MCTP1: variants seen among roughly 807,000 people sequenced by gnomAD.
MCTP1 encodes multiple C2 and transmembrane domain containing 1.
In MCTP1, 69 loss-of-function variants were observed where a neutral mutation model predicts 120.6. The ratio of observed to expected loss-of-function variants is 0.57; its 90% CI spans 0.47 to 0.70. The LOEUF (loss-of-function observed/expected upper bound fraction) is 0.70. Ranked by LOEUF, MCTP1 falls within the 30% of genes least tolerant of loss-of-function variation. The pLI is 0.00. For missense variants in MCTP1, 1,203 were observed against 1,248.8 expected (o/e 0.96, Z 0.55); for synonymous variants, 529 against 493.1 (o/e 1.07, Z -0.96).
At chr5:94,844,497 A>G (rs1314929204) in intron 17 of MCTP1, among the ~76,000 whole-genome samples, 2 of 152,038 alleles carry the variant, frequency 1.3e-5, no homozygotes, top group African/African-American at 2.4e-5. Context: ...TTATTAATTT[A>G]CTTCTACAGC....
At chr5:95,084,361 C>T (rs1157192783) in intron 1 of MCTP1, among the ~76,000 whole-genome samples, 1 of 151,718 alleles carries the variant, frequency 6.6e-6, no homozygotes, top group Admixed American at 6.6e-5. Context: ...CTTTTCTGTC[C>T]CACTCTCCAT....
intron 2 of MCTP1, among the ~76,000 whole-genome samples, chr5:94,968,429 G>A (rs539660816): frequency 2.5e-4 from 38 of 152,142 alleles, no homozygotes; most frequent in African/African-American, 8.7e-4. Flanking sequence ...CTCTCTTTGG[G>A]AAATGTTACT....
chr5:94,868,954 TTATCTATC>T (rs770558504), intron 16 of MCTP1, among the ~76,000 whole-genome samples: 1 of 151,848 alleles, frequency 6.6e-6, no homozygotes, highest in African/African-American at 2.4e-5. Context: ...TACTATCATA[TTATCTATC>T]TATCTATCTA....
At chr5:95,146,954 C>A (rs1582363270) in intron 1 of MCTP1, among the ~76,000 whole-genome samples, 1 of 152,168 alleles carries the variant, frequency 6.6e-6, no homozygotes, top group East Asian at 1.9e-4. Flanking sequence ...CCTCAATGAT[C>A]TAATGCTATC....
intron 17 of MCTP1, chr5:94,826,552 C>A: frequency 1.4e-6 from 1 of 721,206 alleles, no homozygotes; most frequent in Non-Finnish European, 2.5e-6. Context: ...TTCATAGAAG[C>A]TTCCTCCTTC....
intron 1 of MCTP1, among the ~76,000 whole-genome samples, chr5:95,092,134 C>T (rs951280076): frequency 9.9e-5 from 15 of 152,108 alleles, no homozygotes; most frequent in Non-Finnish European, 1.9e-4. Flanking sequence ...GGTGATCTAG[C>T]TAAGGAGATA....
At chr5:94,708,855 A>ATTAGCAATATCTTGGTTTT in intron 21 of MCTP1, 1 of 335,542 alleles carries the variant, frequency 3.0e-6, no homozygotes, top group Non-Finnish European at 5.6e-6. Context: ...CTGGGGGTTA[A>ATTAGCAATATCTTGGTTTT]TTAGCAATAT....
chr5:94,767,966 A>C (rs1450857205), intron 19 of MCTP1, among the ~76,000 whole-genome samples: 1 of 152,230 alleles, frequency 6.6e-6, no homozygotes, highest in Non-Finnish European at 1.5e-5. Flanking sequence ...TGCAAAAAGA[A>C]CAAAGCTGAA....
chr5:94,869,924 T>C (rs1478193784), intron 16 of MCTP1, among the ~76,000 whole-genome samples: 3 of 152,098 alleles, frequency 2.0e-5, no homozygotes, highest in Non-Finnish European at 2.9e-5. Context: ...TAAAATCTAA[T>C]TAGCAGGAAG....
rs555591282 is a variant in MCTP1 at position 95,234,826 on chromosome 5, A to C, written c.720+49030T>G. 9.8e-5 allele frequency among the ~76,000 whole-genome samples: 15 copies of C among 152,286 alleles called. No individual in the cohort carries two copies. In the East Asian group the frequency reaches 2.9e-3, roughly 29 times the overall value. ...AAACTGAATAGCCTTATAGCTAGCA[A>C]ATAAATTGAATTTGCAAAAAAACTG... On this transcript the variant is annotated intron_variant, in intron 1 of 22. Coordinates refer to ENST00000515393, the MANE Select transcript of MCTP1 (RefSeq NM_024717.7).
intron 1 of MCTP1, among the ~76,000 whole-genome samples, chr5:95,186,829 CAG>C (rs779613348): frequency 9.2e-5 from 14 of 152,238 alleles, no homozygotes; most frequent in Admixed American, 8.5e-4. Context: ...TAGATCCATC[CAG>C]AGAGAGCCAC....
chr5:95,053,264 T>G (rs896538650), intron 1 of MCTP1, among the ~76,000 whole-genome samples: 1 of 152,122 alleles, frequency 6.6e-6, no homozygotes, highest in African/African-American at 2.4e-5. Flanking sequence ...CCCACTTAAA[T>G]CAGAATGACA....
intron 1 of MCTP1, among the ~76,000 whole-genome samples, chr5:95,070,811 C>A (rs60243215): frequency 2.0e-5 from 3 of 152,148 alleles, no homozygotes; most frequent in Non-Finnish European, 4.4e-5. Flanking sequence ...GAGGTAGGAA[C>A]AACAAAGTTT....
intron 19 of MCTP1, among the ~76,000 whole-genome samples, chr5:94,757,176 C>T (rs1459394817): frequency 2.6e-5 from 4 of 152,098 alleles, no homozygotes; most frequent in Admixed American, 2.6e-4. Context: ...TGCACATGGG[C>T]GTACACAAAC....
At chr5:94,971,158 G>T (rs185906133) in intron 2 of MCTP1, among the ~76,000 whole-genome samples, 1 of 151,916 alleles carries the variant, frequency 6.6e-6, no homozygotes, top group South Asian at 2.1e-4. Flanking sequence ...TAAAATGAGG[G>T]GATTTCCCAA....
At chr5:95,106,877 A>C (rs2152381805) in intron 1 of MCTP1, among the ~76,000 whole-genome samples, 1 of 152,340 alleles carries the variant, frequency 6.6e-6, no homozygotes, top group South Asian at 2.1e-4. Context: ...CAATTGGTAA[A>C]CATGCTTAGA....
chr5:94,833,382 A>G lies in MCTP1; in HGVS notation c.2437-34250T>C, dbSNP rs151260930. The stretch of plus-strand genomic sequence containing the variant: ...CCTACACAACACCGAAGTACTATAA[A>G]AATTATTTATACAAATAAACTATTA... On this transcript the variant is annotated intron_variant, in intron 17 of 22. Coordinates refer to ENST00000515393, the MANE Select transcript of MCTP1 (RefSeq NM_024717.7). Among the ~76,000 whole-genome samples, 299 of 152,308 alleles carry G rather than the reference A, an allele frequency of 2.0e-3. 6 individuals carry two copies. The East Asian group carries it at 0.051, about 26-fold the overall frequency.
At chr5:94,733,833 G>A (rs1362860224) in intron 19 of MCTP1, among the ~76,000 whole-genome samples, 5 of 151,664 alleles carry the variant, frequency 3.3e-5, no homozygotes, top group South Asian at 2.1e-4. Flanking sequence ...GCGTGGTGGC[G>A]GGCACCTGTA....
intron 1 of MCTP1, among the ~76,000 whole-genome samples, chr5:95,066,630 T>C (rs1750725326): frequency 6.6e-6 from 1 of 152,200 alleles, no homozygotes; most frequent in East Asian, 1.9e-4. Flanking sequence ...AAATTTAATA[T>C]ATATACATAC....
Sources: allele counts gnomAD v4.1 joint callset (sites outside exome capture counted in the v4.1 genomes callset), GRCh38; gene constraint gnomAD v4.1.1; transcripts MANE v1.5; gene names NCBI Gene and HGNC (gene_info 2026-07-23, HGNC 2026-07-21).